Variants in KLHL18 observed in about 807,000 individuals in gnomAD.
The protein encoded by KLHL18 is kelch like family member 18.
In KLHL18, 38 loss-of-function variants were observed where a neutral mutation model predicts 58.5. That is an observed-to-expected ratio of 0.65 (90% confidence interval 0.50 to 0.85). The LOEUF (loss-of-function observed/expected upper bound fraction) is 0.85. KLHL18 is among the 40% of genes least tolerant of loss of function. KLHL18 has a pLI of 0.00. For missense variants in KLHL18, 624 were observed against 778.4 expected (o/e 0.80, Z 2.36); for synonymous variants, 303 against 301.9 (o/e 1.00, Z -0.04).
At chr3:47,315,466 A>C (rs1039871150) in intron 1 of KLHL18, among the ~76,000 whole-genome samples, 26 of 152,250 alleles carry the variant, frequency 1.7e-4, no homozygotes, top group Non-Finnish European at 3.8e-4. Context: ...AAGAGTTATC[A>C]GTAGTGCATG....
At position 47,289,548 on chromosome 3, in the gene KLHL18, T is replaced by G. The variant is rs531794676; in HGVS notation, c.129+6454T>G. ...AGGAAATGAAGTAAGGGCTTGTTGA[T>G]GCATACCATTTTTATGTTGTGTATA... On this transcript the variant is annotated intron_variant, in intron 1 of 9. Transcript: ENST00000232766. Among the ~76,000 whole-genome samples the G allele has an allele frequency of 5.3e-5, 8 of 152,330 alleles. 1 individual carries two copies. The South Asian group carries it at 1.7e-3, about 32-fold the overall frequency.
At chr3:47,330,570 G>T (rs1031481925) in intron 4 of KLHL18, among the ~76,000 whole-genome samples, 8 of 152,128 alleles carry the variant, frequency 5.3e-5, no homozygotes, top group African/African-American at 1.9e-4. Context: ...GGGATTATAG[G>T]CGTGAGCCAC....
intron 1 of KLHL18, among the ~76,000 whole-genome samples, chr3:47,317,858 G>C (rs751599306): frequency 6.6e-6 from 1 of 152,050 alleles, no homozygotes; most frequent in Non-Finnish European, 1.5e-5. Flanking sequence ...ATCTTTTGCC[G>C]CATAACAAAC....
chr3:47,346,717 C>A lies in KLHL18; in HGVS notation c.*2776C>A, dbSNP rs990846300. ...GAGGTGTGACTGTGGGAATTCCTCC[C>A]AATTTATGGTTTCCCAGAAAATCTT... On this transcript the variant is annotated 3_prime_UTR_variant, in exon 10 of 10. Transcript: ENST00000232766. The A allele has an allele frequency of 6.6e-6, 1 of 152,660 alleles. No individual in the cohort carries two copies. The highest frequency in any genetic ancestry group is 3.2e-3 in the Middle Eastern group (1 of 316). The allele number at this position is 152,660 out of a possible 1,614,324, so 9.5% of individuals were successfully genotyped here.
chr3:47,293,821 T>C (rs184708684), intron 1 of KLHL18, among the ~76,000 whole-genome samples: 1 of 152,348 alleles, frequency 6.6e-6, no homozygotes, highest in East Asian at 1.9e-4. Flanking sequence ...TTTTGTTTCC[T>C]CTGTGTTAGG....
At chr3:47,341,281 T>C (rs187871132) in intron 8 of KLHL18, among the ~76,000 whole-genome samples, 4 of 152,362 alleles carry the variant, frequency 2.6e-5, no homozygotes. Flanking sequence ...TCTCATCTTA[T>C]ATAATAAAAT....
chr3:47,338,936 A>G (rs1263092289), intron 7 of KLHL18: 1 of 152,244 alleles, frequency 6.6e-6, no homozygotes, highest in Admixed American at 6.5e-5. Context: ...TGAATTGGGC[A>G]GCTTGGCATT....
At chr3:47,330,735 T>G (rs915635417) in intron 4 of KLHL18, among the ~76,000 whole-genome samples, 5 of 152,174 alleles carry the variant, frequency 3.3e-5, no homozygotes, top group African/African-American at 7.2e-5. Flanking sequence ...AGATAATTTT[T>G]TTGTTGTTTT....
chr3:47,336,769 G>A lies in KLHL18; in HGVS notation c.1121+12G>A. On this transcript the variant is annotated intron_variant, in intron 7 of 9. Coordinates refer to ENST00000232766, the MANE Select transcript of KLHL18 (RefSeq NM_025010.5). ...AATAGCAAGAGAAGGTATTCTGGAA[G>A]CCACGTGCAGCCCGAACATACACAC... 1 of 1,602,194 alleles carries A rather than the reference G, an allele frequency of 6.2e-7. No individual in the cohort carries two copies. The highest frequency in any genetic ancestry group is 2.2e-5 in the East Asian group (1 of 44,806).
At position 47,299,307 on chromosome 3, in the gene KLHL18, C is replaced by T. The variant is rs1559488230; in HGVS notation, c.129+16213C>T. On this transcript the variant is annotated intron_variant, in intron 1 of 9. Coordinates refer to ENST00000232766, the MANE Select transcript of KLHL18 (RefSeq NM_025010.5). ...AGTACAGTGGTATGTGCCTGTAATC[C>T]CAGCTACCTGGGAAGCTGAGGCGGG... Among the ~76,000 whole-genome samples the T allele has an allele frequency of 3.3e-5, 5 of 152,120 alleles. No homozygotes were observed. In the South Asian group the frequency reaches 8.3e-4, roughly 25 times the overall value.
intron 1 of KLHL18, chr3:47,297,652 G>T (rs1702924707): frequency 2.2e-6 from 1 of 455,414 alleles, no homozygotes; most frequent in Admixed American, 2.4e-5. Flanking sequence ...GAGCCAGAAG[G>T]TCAACAGTTA....
chr3:47,315,350 A>G (rs1703396119), intron 1 of KLHL18, among the ~76,000 whole-genome samples: 1 of 152,222 alleles, frequency 6.6e-6, no homozygotes, highest in African/African-American at 2.4e-5. Flanking sequence ...CTCAGGAGAT[A>G]GGAAGTTTAG....
In KLHL18 at chr3:47,308,510, C is replaced by T. The variant is rs533964758; in HGVS notation, c.130-11143C>T. Among the ~76,000 whole-genome samples the T allele has an allele frequency of 2.9e-3, 443 of 152,336 alleles. 2 individuals are homozygous for T. Among genetic ancestry groups the T allele is most frequent in the African/African-American group, 0.01 (416 of 41,566 alleles). On this transcript the variant is annotated intron_variant, in intron 1 of 9. Coordinates refer to ENST00000232766, the MANE Select transcript of KLHL18 (RefSeq NM_025010.5). ...GGTTCAAGTGATTGTCCTGCCTCAG[C>T]CTCCCAAGTAGCTGGGACTACAGGT...
intron 7 of KLHL18, chr3:47,338,236 C>G (rs913547266): frequency 2.0e-5 from 3 of 152,370 alleles, no homozygotes; most frequent in African/African-American, 7.2e-5. Context: ...AGCATTTTCT[C>G]CTTCTCTTCA....
chr3:47,325,109 C>T (rs1309397416), intron 3 of KLHL18, among the ~76,000 whole-genome samples: 1 of 152,166 alleles, frequency 6.6e-6, no homozygotes, highest in African/African-American at 2.4e-5. Context: ...CTGAGCCTCG[C>T]TACAGAATGT....
chr3:47,323,653 C>T (rs1246011733), intron 3 of KLHL18, among the ~76,000 whole-genome samples: 1 of 152,188 alleles, frequency 6.6e-6, no homozygotes, highest in Non-Finnish European at 1.5e-5. Flanking sequence ...TTTTAACCAG[C>T]AGAGGCTTGG....
At chr3:47,284,201 C>T (rs547686372) in intron 1 of KLHL18, among the ~76,000 whole-genome samples, 1 of 152,202 alleles carries the variant, frequency 6.6e-6, no homozygotes, top group East Asian at 1.9e-4. Context: ...CACTGCACTC[C>T]AGCCTGGGCA....
At position 47,316,529 on chromosome 3, in the gene KLHL18, G is replaced by GTA. The variant is rs1181945382; in HGVS notation, c.130-3115_130-3114dup. 4.6e-4 allele frequency among the ~76,000 whole-genome samples: 3 copies of GTA among 6,550 alleles called. 1 individual carries two copies. Among genetic ancestry groups the GTA allele is most frequent in the African/African-American group, 8.7e-4 (3 of 3,460 alleles). 4.3% of individuals were successfully genotyped at this position (6,550 alleles called of 152,430 possible). On this transcript the variant is annotated intron_variant, in intron 1 of 9. Transcript: ENST00000232766. ...TATATATACATATATACATATATAT[G>GTA]TATATATATACATATATACATATAT...
intron 1 of KLHL18, among the ~76,000 whole-genome samples, chr3:47,318,778 G>A (rs1703515424): frequency 2.6e-5 from 4 of 152,160 alleles, no homozygotes; most frequent in Admixed American, 1.3e-4. Flanking sequence ...TAAGAAATTT[G>A]AGCAGAGGCT....
Sources: gnomAD v4.1 joint callset for allele counts (sites outside exome capture counted in the v4.1 genomes callset) on GRCh38, gnomAD v4.1.1 for gene constraint, MANE v1.5 for transcripts, NCBI Gene and HGNC (gene_info 2026-07-23, HGNC 2026-07-21) for gene names.